RAD52: variants seen among roughly 807,000 people sequenced by gnomAD.
RAD52 encodes RAD52 DNA repair protein.
RAD52 carries 47 observed loss-of-function variants against 55.5 expected under a neutral mutation model. The ratio of observed to expected loss-of-function variants is 0.85; its 90% CI spans 0.67 to 1.08. The LOEUF is 1.08. RAD52 is among the 50% of genes least tolerant of loss of function. RAD52 has a pLI of 0.00. For missense variants in RAD52, 468 were observed against 522.8 expected, an observed-to-expected ratio of 0.90 and a Z score of 1.02; for synonymous variants, 184 against 198.9, an observed-to-expected ratio of 0.92 and a Z score of 0.63.
intron 1 of RAD52, among the ~76,000 whole-genome samples, chr12:940,566 T>C (rs773056676): frequency 2.6e-5 from 4 of 151,816 alleles, no homozygotes; most frequent in African/African-American, 4.8e-5. Context: ...TGAGCCAAGA[T>C]TGCGCCACTG....
intron 1 of RAD52, among the ~76,000 whole-genome samples, chr12:980,232 T>C (rs969233306): frequency 6.6e-6 from 1 of 150,806 alleles, no homozygotes; most frequent in African/African-American, 2.4e-5. Flanking sequence ...GTTATTTATA[T>C]AGGCTAGAAA....
chr12:967,813 G>A (rs1174324775), intron 1 of RAD52, among the ~76,000 whole-genome samples: 4 of 151,992 alleles, frequency 2.6e-5, no homozygotes, highest in Admixed American at 6.5e-5. Flanking sequence ...GTACACGTCT[G>A]TAGTCCCAGC....
chr12:953,795 C>T (rs1049253863), upstream of RAD52, among the ~76,000 whole-genome samples: 4 of 152,202 alleles, frequency 2.6e-5, no homozygotes, highest in African/African-American at 9.7e-5. Context: ...CATATTTCGC[C>T]CATCTACCTT....
At chr12:940,762 T>A (rs906700695) in intron 1 of RAD52, among the ~76,000 whole-genome samples, 3 of 151,976 alleles carry the variant, frequency 2.0e-5, no homozygotes, top group African/African-American at 7.2e-5. Context: ...CATACTTGAC[T>A]ACACCTAGAA....
intron 1 of RAD52, among the ~76,000 whole-genome samples, chr12:968,034 C>T (rs937683405): frequency 3.3e-5 from 5 of 152,106 alleles, no homozygotes; most frequent in Admixed American, 3.3e-4. Flanking sequence ...TATTTTATGC[C>T]TTTCCCATTT....
chr12:922,785 T>C (rs945335384), intron 7 of RAD52, among the ~76,000 whole-genome samples: 5 of 152,112 alleles, frequency 3.3e-5, no homozygotes, highest in Non-Finnish European at 7.3e-5. Context: ...GCCTGGGCAA[T>C]AGCAAAACTC....
intron 1 of RAD52, among the ~76,000 whole-genome samples, chr12:987,565 T>C (rs570259735): frequency 0.011 from 1,610 of 151,600 alleles, 97 homozygotes; most frequent in Admixed American, 0.096. Flanking sequence ...TGTTTTCTTT[T>C]TTTTTTTTTT....
chr12:927,033 C>G, intron 6 of RAD52, 112 bp downstream of exon 6: 1 of 1,524,060 alleles, frequency 6.6e-7, no homozygotes, highest in Admixed American at 1.7e-5. Flanking sequence ...ACCTTCCACG[C>G]TGCTTGGATT....
chr12:925,550 A>T (rs928526645), intron 6 of RAD52, 25 bp from the exon 7 acceptor site: 2 of 1,551,932 alleles, frequency 1.3e-6, no homozygotes, highest in Non-Finnish European at 1.8e-6. Flanking sequence ...AAAAAAGGTG[A>T]AACAGGGTTA....
At chr12:970,079 T>TG (rs57669420) in intron 1 of RAD52, among the ~76,000 whole-genome samples, 135,698 of 151,606 alleles carry the variant, frequency 0.9, 61,111 homozygotes, top group Non-Finnish European at 0.94. Context: ...GAGGCGGAGG[T>TG]GGTGGATCAC....
chr12:935,857 A>AAAATAAAT lies in RAD52; in HGVS notation c.-18-2789_-18-2782dup, dbSNP rs35867275. Among the ~76,000 whole-genome samples the AAAATAAAT allele has an allele frequency of 4.2e-4, 57 of 134,808 alleles. No homozygotes were observed. In the East Asian group the frequency reaches 8.2e-3, roughly 19 times the overall value. The allele number at this position is 134,808 out of a possible 152,430, so 88.4% of individuals were successfully genotyped here. On this transcript the variant is annotated intron_variant, in intron 1 of 11. Transcript: ENST00000358495. ...AACAAGAGTGAAACTCCGTCTCAAAAAAATAAATAAATAAATAAATAAATA... is the reference window on the plus strand; with the variant it reads ...AACAAGAGTGAAACTCCGTCTCAAAAAAATAAATAAATAAATAAATAAATAAATAAATA...
At chr12:965,367 C>T (rs750003807) in intron 1 of RAD52, among the ~76,000 whole-genome samples, 1 of 152,020 alleles carries the variant, frequency 6.6e-6, no homozygotes, top group Non-Finnish European at 1.5e-5. Flanking sequence ...AGTACGACTG[C>T]TTTGTATTGT....
intron 1 of RAD52, among the ~76,000 whole-genome samples, chr12:970,318 C>CAAAAAAAA (rs4017793): frequency 1.5e-5 from 1 of 67,168 alleles, no homozygotes; most frequent in Non-Finnish European, 2.6e-5. Context: ...GACATCATCT[C>CAAAAAAAA]AAAAAAAAAA....
In RAD52 at chr12:911,967, T is replaced by C. The variant is rs1956114699; in HGVS notation, c.*1424A>G. ...GAATCCTGGCAGGCGGAGGCTGCAATGAGTCAAGATGGCACCGCTGCACTC... is the reference window on the plus strand; with the variant it reads ...GAATCCTGGCAGGCGGAGGCTGCAACGAGTCAAGATGGCACCGCTGCACTC... On this transcript the variant is annotated 3_prime_UTR_variant, in exon 12 of 12. Transcript: ENST00000358495. The C allele has an allele frequency of 5.2e-6, 1 of 193,224 alleles. No individual in the cohort carries two copies. The highest frequency in any genetic ancestry group is 1.9e-4 in the South Asian group (1 of 5,132). 12.0% of individuals were successfully genotyped at this position (193,224 alleles called of 1,614,324 possible).
chr12:927,365 C>G, intron 5 of RAD52, 102 bp from the exon 6 acceptor site: 1 of 870,870 alleles, frequency 1.1e-6, no homozygotes. Context: ...ACTCTCCCAC[C>G]TGGCGGCCTT....
At chr12:966,428 G>A (rs1263055468) in intron 1 of RAD52, among the ~76,000 whole-genome samples, 2 of 152,040 alleles carry the variant, frequency 1.3e-5, no homozygotes, top group African/African-American at 2.4e-5. Flanking sequence ...AACTGAGGAT[G>A]GTCAAGCAGA....
chr12:972,835 G>C (rs2154121379), intron 1 of RAD52, among the ~76,000 whole-genome samples: 1 of 151,262 alleles, frequency 6.6e-6, no homozygotes, highest in Middle Eastern at 3.5e-3. Flanking sequence ...TGGGGGAACA[G>C]TAGGGAAATT....
Position 934,870 on chromosome 12 carries a change from T to C in RAD52, c.-18-1794A>G, listed in dbSNP as rs568272113. ...GCTCACACCTGTAACCCTAACACTT[T>C]GGGAGGCCAAAGCAGGCGGATCACC... On this transcript the variant is annotated intron_variant, in intron 1 of 11. Coordinates refer to ENST00000358495, the MANE Select transcript of RAD52 (RefSeq NM_134424.4). 3.3e-5 allele frequency among the ~76,000 whole-genome samples: 5 copies of C among 152,158 alleles called. No individual in the cohort carries two copies. In the South Asian group the frequency reaches 8.3e-4, roughly 25 times the overall value.
intron 6 of RAD52, 130 bp from the exon 7 acceptor site, chr12:925,655 T>G: frequency 1.5e-6 from 1 of 683,004 alleles, no homozygotes; most frequent in Non-Finnish European, 2.6e-6. Flanking sequence ...TAACATGCAT[T>G]CCCCATTGAT....
Sources: allele counts gnomAD v4.1 joint callset (sites outside exome capture counted in the v4.1 genomes callset), GRCh38; gene constraint gnomAD v4.1.1; transcripts MANE v1.5; gene names NCBI Gene and HGNC (gene_info 2026-07-23, HGNC 2026-07-21).